Variants in SERPINA12 observed in about 807,000 individuals in gnomAD.
SERPINA12 encodes serpin family A member 12.
Under a neutral mutation model 25.9 loss-of-function variants are expected in SERPINA12, and 21 were observed. That is an observed-to-expected ratio of 0.81 (90% CI 0.58 to 1.17). The LOEUF (loss-of-function observed/expected upper bound fraction) is 1.17, where lower values mean the gene tolerates loss of function less well. Among genes scored for constraint, SERPINA12 ranks in the 50% most tolerant of loss-of-function variants. The probability of loss-of-function intolerance (pLI) is 0.00; values close to 1 mark genes in which losing one functional copy is unlikely to be tolerated. For synonymous variants in SERPINA12, 220 were observed against 196.0 expected (o/e 1.12, Z -1.02); for missense variants, 562 against 508.3 (o/e 1.11, Z -1.02).
chr14:94,503,600 C>T (rs1352392346), intron 1 of SERPINA12, among the ~76,000 whole-genome samples: 1 of 152,164 alleles, frequency 6.6e-6, no homozygotes, highest in Non-Finnish European at 1.5e-5. Context: ...TCATTGACTT[C>T]AGGACTATCT....
At chr14:94,516,342 A>G (rs1488745768) in intron 1 of SERPINA12, among the ~76,000 whole-genome samples, 1 of 152,180 alleles carries the variant, frequency 6.6e-6, no homozygotes, top group African/African-American at 2.4e-5. Flanking sequence ...GGCCTGGTCA[A>G]AGCTTAAAGG....
At position 94,487,378 on chromosome 14, in the gene SERPINA12, A is replaced by C; in HGVS notation, c.1170T>G (p.Tyr390Ter). The change falls in exon 5 of 5, where the codon TAT becomes TAG. Residue 390 changes from tyrosine to a stop codon, truncating the protein, a stop_gained. Coordinates refer to ENST00000677451, the MANE Select transcript of SERPINA12 (RefSeq NM_001382267.1). LOFTEE classifies it low-confidence loss of function (END_TRUNC). The part of the protein sequence containing the change: ...TPLVVKIDKP[Y>*]LLLIYSEKIP... The stretch of plus-strand genomic sequence containing the variant: ...TTTTCTCGCTGTAAATCAGCAGCAG[A>C]TAGGGTTTGTCTATCTTGACGACGA... The C allele has an allele frequency of 6.2e-7, 1 of 1,614,102 alleles. No homozygotes were observed. The highest frequency in any genetic ancestry group is 8.5e-7 in the Non-Finnish European group (1 of 1,180,012).
upstream of SERPINA12, chr14:94,511,562 G>T (rs1901111261): frequency 1.0e-6 from 1 of 985,272 alleles, no homozygotes; most frequent in Non-Finnish European, 1.2e-6. Flanking sequence ...TGTCGGGTTG[G>T]TTCGTGCAGC....
chr14:94,515,137 G>A (rs2139869014), intron 2 of SERPINA12, among the ~76,000 whole-genome samples: 1 of 152,348 alleles, frequency 6.6e-6, no homozygotes, highest in Admixed American at 6.5e-5. Flanking sequence ...ACCAATGTTG[G>A]CCTGAAGGTG....
At chr14:94,511,645 C>T (rs1414090280), upstream of SERPINA12, 27 of 985,322 alleles carry the variant, frequency 2.7e-5, no homozygotes, top group Non-Finnish European at 3.3e-5. Flanking sequence ...GAAGGTGTCC[C>T]ACCCACCTCT....
intron 1 of SERPINA12, among the ~76,000 whole-genome samples, chr14:94,507,737 GGT>G (rs1900981907): frequency 1.3e-5 from 2 of 152,262 alleles, no homozygotes; most frequent in African/African-American, 4.8e-5. Flanking sequence ...ATTGCGGGTG[GGT>G]GTGCAAACCG....
At chr14:94,511,566 G>C, upstream of SERPINA12, 3 of 985,380 alleles carry the variant, frequency 3.0e-6, no homozygotes, top group Non-Finnish European at 3.6e-6. Flanking sequence ...GGGTTGGTTC[G>C]TGCAGCCCAG....
At chr14:94,492,067 G>T (rs888395536) in intron 3 of SERPINA12, among the ~76,000 whole-genome samples, 1 of 152,152 alleles carries the variant, frequency 6.6e-6, no homozygotes, top group Admixed American at 6.5e-5. Context: ...GAGGTGGGAG[G>T]TGATGTGAGA....
chr14:94,506,653 C>G (rs1900941000), intron 1 of SERPINA12, among the ~76,000 whole-genome samples: 1 of 152,206 alleles, frequency 6.6e-6, no homozygotes, highest in Non-Finnish European at 1.5e-5. Context: ...TGGGAATAAC[C>G]TATTTCTAAA....
intron 4 of SERPINA12, among the ~76,000 whole-genome samples, chr14:94,488,970 G>A (rs546975691): frequency 3.3e-4 from 50 of 152,104 alleles, no homozygotes; most frequent in African/African-American, 5.5e-4. Context: ...GGTGGCGGGC[G>A]CCTGTAATCC....
intron 3 of SERPINA12, among the ~76,000 whole-genome samples, chr14:94,490,874 C>A (rs1271679055): frequency 1.3e-5 from 2 of 152,254 alleles, no homozygotes; most frequent in Admixed American, 6.5e-5. Context: ...CTTGAGGCTT[C>A]TCCTCCTTCC....
intron 1 of SERPINA12, among the ~76,000 whole-genome samples, chr14:94,502,977 G>A (rs1178171248): frequency 1.3e-5 from 2 of 152,118 alleles, no homozygotes; most frequent in East Asian, 1.9e-4. Context: ...GGGTAAACCC[G>A]GTGCCCTTCT....
At chr14:94,489,435 G>A (rs1900056503) in intron 4 of SERPINA12, among the ~76,000 whole-genome samples, 185 bp downstream of exon 4, 1 of 152,192 alleles carries the variant, frequency 6.6e-6, no homozygotes, top group Admixed American at 6.5e-5. Context: ...GGAAGCATGA[G>A]GCTGGGGGAG....
At chr14:94,511,793 A>C, upstream of SERPINA12, 2 of 880,418 alleles carry the variant, frequency 2.3e-6, no homozygotes, top group South Asian at 5.2e-5. Flanking sequence ...ACAAGTCCTC[A>C]TAAGCTCACA....
chr14:94,495,682 A>T (rs4905212), intron 3 of SERPINA12, among the ~76,000 whole-genome samples: 14,750 of 152,122 alleles, frequency 0.097, 896 homozygotes, highest in Middle Eastern at 0.16. Flanking sequence ...GAAACTGCCC[A>T]CTCTGCTACA....
intron 4 of SERPINA12, among the ~76,000 whole-genome samples, chr14:94,488,056 C>A (rs57229963): frequency 0.095 from 14,516 of 152,228 alleles, 837 homozygotes; most frequent in South Asian, 0.16. Context: ...ACAAAATTCT[C>A]ACAATTTTAC....
chr14:94,509,159 A>G (rs182872100), intron 1 of SERPINA12, among the ~76,000 whole-genome samples, 183 bp downstream of exon 1: 3 of 152,092 alleles, frequency 2.0e-5, no homozygotes, highest in African/African-American at 7.2e-5. Context: ...AGACCCATGG[A>G]ACTCTTGGCC....
At chr14:94,515,951 T>G (rs1323322275) in exon 2 of SERPINA12, 1 of 152,222 alleles carries the variant, frequency 6.6e-6, no homozygotes, top group African/African-American at 2.4e-5. Context: ...GTTTTGCAAG[T>G]GGGGAATGTA....
upstream of SERPINA12, among the ~76,000 whole-genome samples, chr14:94,511,070 C>T (rs1031445694): frequency 2.6e-5 from 4 of 152,100 alleles, no homozygotes; most frequent in Non-Finnish European, 4.4e-5. Flanking sequence ...CAAAAACCAC[C>T]TGTACCCCAA....
Sources: allele counts gnomAD v4.1 joint callset (sites outside exome capture counted in the v4.1 genomes callset), GRCh38; gene constraint gnomAD v4.1.1; transcripts MANE v1.5; gene names NCBI Gene and HGNC (gene_info 2026-07-23, HGNC 2026-07-21).